Variants in GUCY2C observed in about 807,000 individuals in gnomAD.
The protein encoded by GUCY2C is guanylate cyclase 2C, also known as guanylyl cyclase C.
GUCY2C carries 118 observed loss-of-function variants against 131.1 expected under a neutral mutation model. That is an observed-to-expected ratio of 0.90 (90% CI 0.78 to 1.05). The LOEUF is 1.05. Among genes scored for constraint, GUCY2C ranks in the 50% least tolerant of loss-of-function variants. The pLI is 0.00. For missense variants in GUCY2C, 1,161 were observed against 1,304.4 expected (o/e 0.89, Z 1.69); for synonymous variants, 452 against 457.8 (o/e 0.99, Z 0.16).
At position 14,613,135 on chromosome 12, in the gene GUCY2C, C is replaced by T. The variant is rs1946684751; in HGVS notation, c.3204G>A (p.Lys1068=). ...TTTAGGTTTAAAAATAGGTGCTCTC[C>T]TTGTCTGTGGTATTCAGCTGCAAGT... ...LEYLQLNTTD[K]ESTYF is the part of the protein sequence containing the mutation. Residue 1068 remains lysine, a synonymous_variant, in exon 27 of 27, where the codon AAG becomes AAA. Transcript: ENST00000261170. The surrounding 1 kb of genome is among the most constrained non-coding windows in gnomAD (Gnocchi z 4.9). 1 of 1,613,174 alleles carries T rather than the reference C, an allele frequency of 6.2e-7. No individual in the cohort carries two copies. Among genetic ancestry groups the T allele is most frequent in the African/African-American group, 1.3e-5 (1 of 74,838 alleles).
chr12:14,654,618 T>C (rs7979116), intron 12 of GUCY2C, among the ~76,000 whole-genome samples: 5,718 of 152,278 alleles, frequency 0.038, 350 homozygotes, highest in African/African-American at 0.13. Context: ...GGATGAATTA[T>C]ACTTCTAGGA....
Position 14,676,943 on chromosome 12 carries a change from CTG to C in GUCY2C, c.857_858del (p.Thr286SerfsTer3). The C allele has an allele frequency of 6.4e-7, 1 of 1,553,188 alleles. No homozygotes were observed. Among genetic ancestry groups the C allele is most frequent in the Non-Finnish European group, 8.8e-7 (1 of 1,135,546 alleles). ...AGGACATTTTTCATATAGTCAGGGG[CTG>C]TGACATTGTCCTCAAAGTACTGGTC... is the stretch of plus-strand genomic sequence containing the variant. ...FNDQYFEDNV[T>X]APDYMKNVLV... On this transcript the variant is annotated frameshift_variant, in exon 7 of 27. Coordinates refer to ENST00000261170, the MANE Select transcript of GUCY2C (RefSeq NM_004963.4). LOFTEE classifies it high-confidence loss of function.
At chr12:14,632,996 A>G (rs1462672257) in intron 19 of GUCY2C, among the ~76,000 whole-genome samples, 2 of 152,158 alleles carry the variant, frequency 1.3e-5, no homozygotes, top group Non-Finnish European at 2.9e-5. Context: ...AGCTTGTCCT[A>G]TCATGGCTAC....
rs759189042 is a variant in GUCY2C, at chr12:14,628,693, C to CT, written c.2201dup (p.Arg735GlufsTer8). ...TCTCAATTTTTTTGAAATCTGGTCT[C>CT]TTTTCTGGATCTTCCTCCCAACAGT... On this transcript the variant is annotated frameshift_variant, in exon 20 of 27. Transcript: ENST00000261170. LOFTEE classifies it high-confidence loss of function. 3.7e-6 allele frequency: 6 copies of CT among 1,603,732 alleles called. No homozygotes were observed. The African/African-American group carries it at 4.0e-5, about 11-fold the overall frequency.
chr12:14,662,598 C>T (rs759802194), intron 10 of GUCY2C, among the ~76,000 whole-genome samples: 45 of 151,224 alleles, frequency 3.0e-4, no homozygotes, highest in Admixed American at 5.3e-4. Context: ...ATCGCTTGAA[C>T]CCGGGAGGTG....
At chr12:14,625,728 A>G (rs1946999896) in intron 21 of GUCY2C, 29 bp downstream of exon 21, 2 of 1,608,052 alleles carry the variant, frequency 1.2e-6, no homozygotes, top group South Asian at 1.1e-5. Context: ...GAGGGATTTC[A>G]GCCTCCACAT....
intron 11 of GUCY2C, among the ~76,000 whole-genome samples, chr12:14,657,052 C>T (rs767313997): frequency 2.0e-5 from 3 of 152,212 alleles, no homozygotes; most frequent in African/African-American, 7.2e-5. Flanking sequence ...GGAGCTCAGG[C>T]GGTACCGCTC....
chr12:14,625,577 C>T (rs942001476), intron 21 of GUCY2C, among the ~76,000 whole-genome samples, 180 bp downstream of exon 21: 5 of 152,164 alleles, frequency 3.3e-5, no homozygotes, highest in Admixed American at 6.5e-5. Context: ...TCATGATCCA[C>T]CTGCCTCAGC....
chr12:14,641,009 T>G, intron 18 of GUCY2C, 73 bp downstream of exon 18: 8 of 1,365,450 alleles, frequency 5.9e-6, no homozygotes, highest in Non-Finnish European at 8.3e-6. Context: ...TACAGACAGA[T>G]TAGGGTCTCA....
chr12:14,694,969 T>A (rs1948631100), intron 1 of GUCY2C, among the ~76,000 whole-genome samples: 1 of 152,194 alleles, frequency 6.6e-6, no homozygotes, highest in Non-Finnish European at 1.5e-5. Context: ...GAGAATTATT[T>A]TATATATATC....
chr12:14,678,997 C>A (rs1948292681), intron 6 of GUCY2C, among the ~76,000 whole-genome samples: 1 of 152,132 alleles, frequency 6.6e-6, no homozygotes, highest in Admixed American at 6.5e-5. Context: ...GTGACTACGC[C>A]ACAGAGGGTG....
chr12:14,669,177 G>T (rs1353636182), intron 10 of GUCY2C, among the ~76,000 whole-genome samples: 1 of 151,668 alleles, frequency 6.6e-6, no homozygotes, highest in Non-Finnish European at 1.5e-5. Flanking sequence ...ATTAGAATAA[G>T]AATGTTTTCT....
intron 21 of GUCY2C, among the ~76,000 whole-genome samples, chr12:14,623,135 C>G (rs141018293): frequency 1.1e-4 from 17 of 152,334 alleles, no homozygotes; most frequent in Admixed American, 8.5e-4. Context: ...AAAAGTATGA[C>G]TTCCCTAAGT....
chr12:14,659,071 A>C (rs1381410473), intron 11 of GUCY2C, among the ~76,000 whole-genome samples: 3 of 149,388 alleles, frequency 2.0e-5, no homozygotes, highest in Non-Finnish European at 3.0e-5. Context: ...TTTGAGACGG[A>C]GTCTTGCTCT....
intron 19 of GUCY2C, among the ~76,000 whole-genome samples, chr12:14,637,211 A>C (rs1947289148): frequency 6.6e-6 from 1 of 150,534 alleles, no homozygotes; most frequent in African/African-American, 2.4e-5. Context: ...AAAAAAAAAA[A>C]CCACCTAGGA....
chr12:14,662,709 C>T (rs113441498), intron 10 of GUCY2C, among the ~76,000 whole-genome samples: 6,685 of 150,276 alleles, frequency 0.044, 491 homozygotes, highest in African/African-American at 0.15. Context: ...GATGTTATCA[C>T]GGTATACAAT....
chr12:14,690,477 T>C (rs1172876694), intron 1 of GUCY2C, among the ~76,000 whole-genome samples: 2 of 152,194 alleles, frequency 1.3e-5, no homozygotes, highest in African/African-American at 2.4e-5. Flanking sequence ...TAAATTTTGG[T>C]TCCTTCCAGT....
intron 2 of GUCY2C, 74 bp from the exon 3 acceptor site, chr12:14,686,299 G>A: frequency 2.8e-6 from 3 of 1,077,460 alleles, no homozygotes; most frequent in Non-Finnish European, 4.2e-6. Context: ...AAGTAGCAAG[G>A]GGAAGGCTCC....
rs745512895 is a variant in GUCY2C at position 14,619,198 on chromosome 12, T to C, written c.2875+13A>G. ...CATCTTTGTCCTCTGAGAAAAACAG[T>C]CTCCCTTCTTACGGAGGCCAGTGGA... On this transcript the variant is annotated intron_variant, in intron 24 of 26. Transcript: ENST00000261170. 1 of 1,483,018 alleles carries C rather than the reference T, an allele frequency of 6.7e-7. No homozygotes were observed. The highest frequency in any genetic ancestry group is 9.4e-7 in the Non-Finnish European group (1 of 1,061,100). The allele number at this position is 1,483,018 out of a possible 1,614,324, so 91.9% of individuals were successfully genotyped here.
Sources: allele counts gnomAD v4.1 joint callset (sites outside exome capture counted in the v4.1 genomes callset), GRCh38; gene constraint gnomAD v4.1.1; non-coding constraint Gnocchi (gnomAD v3.1); transcripts MANE v1.5; gene names NCBI Gene and HGNC (gene_info 2026-07-23, HGNC 2026-07-21).